The following FAM120AOS variants were observed in gnomAD, a reference collection of about 807,000 sequenced individuals.
FAM120AOS encodes family with sequence similarity 120 member A opposite strand.
A neutral mutation model predicts 20.2 loss-of-function variants in FAM120AOS; 15 were observed. That is an observed-to-expected ratio of 0.74 (90% CI 0.50 to 1.15). The LOEUF (loss-of-function observed/expected upper bound fraction) is 1.15. FAM120AOS is among the 50% of genes most tolerant of loss of function. The pLI is 0.00. For synonymous variants in FAM120AOS, 154 were observed against 154.0 expected (o/e 1.00, Z 0.00); for missense variants, 327 against 351.9 (o/e 0.93, Z 0.57).
At chr9:93,451,063 A>C in intron 1 of FAM120AOS, 1 of 1,550,574 alleles carries the variant, frequency 6.4e-7, no homozygotes, top group South Asian at 1.2e-5. Flanking sequence ...CACAACCGAG[A>C]GCCCGAAGCT....
chr9:93,451,292 G>A, intron 1 of FAM120AOS: 1 of 1,466,434 alleles, frequency 6.8e-7, no homozygotes, highest in Non-Finnish European at 9.0e-7. Context: ...CCATCTTATC[G>A]CTGCTTCCCT....
chr9:93,444,653 T>C lies in FAM120AOS; in HGVS notation c.*2958A>G, dbSNP rs1856790427. On this transcript the variant is annotated 3_prime_UTR_variant, in exon 3 of 3. Coordinates refer to ENST00000375412, the MANE Select transcript of FAM120AOS (RefSeq NM_198841.4). The stretch of plus-strand genomic sequence containing the variant: ...TCCTGAGACGGAGTTTCGCTCTTGT[T>C]GCCCAGGCTGGAGTGCAATGGTGCG... 6.6e-6 allele frequency among the ~76,000 whole-genome samples: 1 copy of C among 151,982 alleles called. No individual in the cohort carries two copies. Among genetic ancestry groups the C allele is most frequent in the East Asian group, 1.9e-4 (1 of 5,170 alleles).
Position 93,447,824 on chromosome 9 carries a change from T to C in FAM120AOS, c.685-127A>G, listed in dbSNP as rs1856911036. The C allele has an allele frequency of 1.9e-5, 15 of 797,696 alleles. No homozygotes were observed. The East Asian group carries it at 2.9e-4, about 15-fold the overall frequency. 49.4% of individuals were successfully genotyped at this position (797,696 alleles called of 1,614,324 possible). On this transcript the variant is annotated intron_variant, in intron 2 of 2. Transcript: ENST00000375412. ...CCTACCCTCTGCTACTGCTGATAAC[T>C]CATAGTACTGGAGAGATAGCAGAGC...
intron 1 of FAM120AOS, chr9:93,451,872 C>A (rs1271064618): frequency 1.8e-6 from 2 of 1,136,676 alleles, no homozygotes; most frequent in African/African-American, 1.7e-5. Flanking sequence ...CCCCCGGCCC[C>A]GCCGCCCCCC....
intron 1 of FAM120AOS, chr9:93,451,846 C>A: frequency 2.1e-6 from 2 of 967,246 alleles, no homozygotes; most frequent in African/African-American, 1.8e-5. Context: ...CCCGCCCGCG[C>A]GCCACGGCCC....
Position 93,452,576 on chromosome 9 carries a change from G to A in FAM120AOS, c.134C>T (p.Ala45Val). ...PNRDSWRRAW[A>V]ARGLHPRPSI... is the part of the protein sequence containing the mutation. ...TGGCCGCGGGTGCAGGCCGCGCGCT[G>A]CCCAAGCCCGTCTCCAGCTGTCCCT... Residue 45 changes from alanine (A) to valine (V), a missense_variant, in exon 1 of 3, where the codon GCA becomes GTA. By Grantham distance (64) the Ala-to-Val change is moderately conservative (BLOSUM62 0). This residue lies in a region of FAM120AOS where 155 missense variants were observed against 128.8 expected (regional missense o/e 1.20). Transcript: ENST00000375412. The surrounding 1 kb of genome is among the most constrained non-coding windows in gnomAD (Gnocchi z 7.0). The A allele has an allele frequency of 6.3e-7, 1 of 1,595,124 alleles. No homozygotes were observed. Among genetic ancestry groups the A allele is most frequent in the Non-Finnish European group, 8.5e-7 (1 of 1,177,830 alleles).
intron 2 of FAM120AOS, among the ~76,000 whole-genome samples, 176 bp downstream of exon 2, chr9:93,450,303 A>G (rs912222498): frequency 2.0e-5 from 3 of 152,202 alleles, no homozygotes; most frequent in Non-Finnish European, 2.9e-5. Flanking sequence ...TTATTTTTAG[A>G]TAACATGTCA....
At chr9:93,447,997 A>G (rs1304341378) in intron 2 of FAM120AOS, among the ~76,000 whole-genome samples, 1 of 152,196 alleles carries the variant, frequency 6.6e-6, no homozygotes, top group Non-Finnish European at 1.5e-5. Flanking sequence ...CTAGGTAAAC[A>G]TTATAGGTTA....
At chr9:93,451,175 GCAGT>G in intron 1 of FAM120AOS, 1 of 1,549,798 alleles carries the variant, frequency 6.5e-7, no homozygotes, top group Non-Finnish European at 8.7e-7. Context: ...CCCGGACCCC[GCAGT>G]CAGTGTGGGC....
intron 1 of FAM120AOS, chr9:93,451,834 A>AGCCC (rs1291038958): frequency 2.9e-6 from 2 of 687,212 alleles, no homozygotes; most frequent in African/African-American, 4.1e-5. Context: ...CCCGCCCGCC[A>AGCCC]GCCCGCCCGC....
Position 93,452,729 on chromosome 9 carries a change from C to T in FAM120AOS, c.-20G>A. 1 of 1,598,150 alleles carries T rather than the reference C, an allele frequency of 6.3e-7. No individual in the cohort carries two copies. Among genetic ancestry groups the T allele is most frequent in the South Asian group, 1.1e-5 (1 of 91,000 alleles). ...TCCCATCCTATTTGAGGCGGGCAGGCTATCACTCACCTTCAACTTTGACAA... is the reference window on the plus strand; with the variant it reads ...TCCCATCCTATTTGAGGCGGGCAGGTTATCACTCACCTTCAACTTTGACAA... On this transcript the variant is annotated 5_prime_UTR_variant, in exon 1 of 3. Transcript: ENST00000375412. This position sits in a 1 kb window ranked among gnomAD's most constrained non-coding sequence, Gnocchi z 7.0.
Position 93,445,111 on chromosome 9 carries a change from GTC to G in FAM120AOS, c.*2498_*2499del, listed in dbSNP as rs2131119445. On this transcript the variant is annotated 3_prime_UTR_variant, in exon 3 of 3. Transcript: ENST00000375412. ...AAGATTTAGAAGGCATAGCTCTACA[GTC>G]TCTTTGTCTTCTAAGGGCAGGGCAT... 6.6e-6 allele frequency among the ~76,000 whole-genome samples: 1 copy of G among 152,280 alleles called. No individual in the cohort carries two copies. Among genetic ancestry groups the G allele is most frequent in the South Asian group, 2.1e-4 (1 of 4,826 alleles).
Position 93,452,704 on chromosome 9 carries a change from T to G in FAM120AOS, c.6A>C (p.Gly2=), listed in dbSNP as rs1857320746. Residue 2 remains glycine, a synonymous_variant, in exon 1 of 3, where the codon GGA becomes GGC. Coordinates refer to ENST00000375412, the MANE Select transcript of FAM120AOS (RefSeq NM_198841.4). The surrounding 1 kb of genome is among the most constrained non-coding windows in gnomAD (Gnocchi z 7.0). Reference sequence around the variant, plus strand: ...CATCATCCCCAATATCCTTAGTTTTTCCCATCCTATTTGAGGCGGGCAGGC... The same window carrying G: ...CATCATCCCCAATATCCTTAGTTTTGCCCATCCTATTTGAGGCGGGCAGGC... The part of the protein sequence containing the change: M[G]KTKDIGDDDT... The G allele has an allele frequency of 6.3e-7, 1 of 1,598,524 alleles. No homozygotes were observed. Among genetic ancestry groups the G allele is most frequent in the Non-Finnish European group, 8.5e-7 (1 of 1,179,850 alleles).
At chr9:93,449,150 C>G (rs1368553675) in intron 2 of FAM120AOS, among the ~76,000 whole-genome samples, 1 of 148,248 alleles carries the variant, frequency 6.7e-6, no homozygotes, top group East Asian at 2.0e-4. Context: ...GAATTTTAAA[C>G]TTTCCAAAAG....
At chr9:93,451,624 C>A in intron 1 of FAM120AOS, 1 of 982,136 alleles carries the variant, frequency 1.0e-6, no homozygotes, top group South Asian at 4.5e-5. Context: ...CCGCGCCGGG[C>A]GGGTCCGCTA....
In FAM120AOS at chr9:93,446,170, G is replaced by A. The variant is rs112393313; in HGVS notation, c.*1441C>T. ...CACTTTCATTCTTCCTGGAGCTCTC[G>A]TCAACCCTGACCTCTTCCTTTGTCA... On this transcript the variant is annotated 3_prime_UTR_variant, in exon 3 of 3. Coordinates refer to ENST00000375412, the MANE Select transcript of FAM120AOS (RefSeq NM_198841.4). Among the ~76,000 whole-genome samples the A allele has an allele frequency of 0.019, 2,864 of 152,176 alleles. 94 individuals are homozygous for A. Among genetic ancestry groups the A allele is most frequent in the African/African-American group, 0.059 (2,456 of 41,496 alleles).
In FAM120AOS at chr9:93,445,823, T is replaced by C. The variant is rs1856831340; in HGVS notation, c.*1788A>G. Among the ~76,000 whole-genome samples the C allele has an allele frequency of 6.6e-6, 1 of 152,160 alleles. No homozygotes were observed. Among genetic ancestry groups the C allele is most frequent in the South Asian group, 2.1e-4 (1 of 4,818 alleles). On this transcript the variant is annotated 3_prime_UTR_variant, in exon 3 of 3. Coordinates refer to ENST00000375412, the MANE Select transcript of FAM120AOS (RefSeq NM_198841.4). ...AAGAAAAATAACATCATGGTAATAC[T>C]AAGTCTTTTATCAGTGACATGTAAC...
chr9:93,452,056 G>T lies in FAM120AOS; in HGVS notation c.563+91C>A, dbSNP rs1857256039. ...CCCCGCAGACCCCGCTGCGCCTGCT[G>T]GTGGACGCCGACAACTGCCTGCACC... On this transcript the variant is annotated intron_variant, in intron 1 of 2. Transcript: ENST00000375412. The surrounding 1 kb of genome is among the most constrained non-coding windows in gnomAD (Gnocchi z 7.0). 3 of 1,588,636 alleles carry T rather than the reference G, an allele frequency of 1.9e-6. No homozygotes were observed. Among genetic ancestry groups the T allele is most frequent in the Non-Finnish European group, 2.6e-6 (3 of 1,168,202 alleles).
rs1415534882 is a variant in FAM120AOS, at chr9:93,443,878, C to T, written c.*3733G>A. Among the ~76,000 whole-genome samples the T allele has an allele frequency of 3.9e-5, 6 of 152,166 alleles. No individual in the cohort carries two copies. Among genetic ancestry groups the T allele is most frequent in the African/African-American group, 1.2e-4 (5 of 41,432 alleles). ...GGCTTTCTCTCTGATGATTACCTGC[C>T]TACACTGCCTGCTCATTTTGCCAAA... On this transcript the variant is annotated 3_prime_UTR_variant, in exon 3 of 3. Transcript: ENST00000375412.
Sources: allele counts gnomAD v4.1 joint callset (sites outside exome capture counted in the v4.1 genomes callset), GRCh38; gene constraint gnomAD v4.1.1; regional missense constraint gnomAD v4.1.1; non-coding constraint Gnocchi (gnomAD v3.1); transcripts MANE v1.5; gene names NCBI Gene and HGNC (gene_info 2026-07-23, HGNC 2026-07-21).